FASTKD1: variants seen among roughly 807,000 people sequenced by gnomAD.
FASTKD1 encodes FAST kinase domain-containing protein 1, mitochondrial.
Under a neutral mutation model 90.9 loss-of-function variants are expected in FASTKD1, and 94 were observed. That is an observed-to-expected ratio of 1.03 (90% CI 0.88 to 1.23). The LOEUF (loss-of-function observed/expected upper bound fraction) is 1.23, where lower values mean the gene tolerates loss of function less well. Among genes scored for constraint, FASTKD1 ranks in the 50% most tolerant of loss-of-function variants. The probability of loss-of-function intolerance (pLI) is 0.00; values close to 1 mark genes in which losing one functional copy is unlikely to be tolerated. For missense variants in FASTKD1, 945 were observed against 993.5 expected (o/e 0.95, Z 0.66); for synonymous variants, 319 against 345.8 (o/e 0.92, Z 0.86).
chr2:169,573,415 T>C (rs1684316603), intron 1 of FASTKD1: 1 of 152,306 alleles, frequency 6.6e-6, no homozygotes, highest in African/African-American at 2.4e-5. Context: ...CCCAGCTGAA[T>C]GACCTTAAGG....
At chr2:169,542,634 G>T (rs1685005200) in intron 9 of FASTKD1, among the ~76,000 whole-genome samples, 1 of 152,324 alleles carries the variant, frequency 6.6e-6, no homozygotes, top group South Asian at 2.1e-4. Context: ...GGAGGCTAAG[G>T]TGGGAGGACC....
chr2:169,562,797 C>A (rs565232156), intron 4 of FASTKD1, among the ~76,000 whole-genome samples: 1 of 152,224 alleles, frequency 6.6e-6, no homozygotes, highest in South Asian at 2.1e-4. Flanking sequence ...AAGCTCAGAG[C>A]TCCTCTCCTG....
At chr2:169,557,132 A>G (rs1683355013) in intron 6 of FASTKD1, 55 bp downstream of exon 6, 1 of 1,150,440 alleles carries the variant, frequency 8.7e-7, no homozygotes. Flanking sequence ...CTTAGAAAAA[A>G]ATAGGTGCTT....
chr2:169,529,812 T>C lies in FASTKD1; in HGVS notation c.*13A>G, dbSNP rs369106416. On this transcript the variant is annotated 3_prime_UTR_variant, in exon 15 of 15. Coordinates refer to ENST00000453153, the MANE Select transcript of FASTKD1 (RefSeq NM_024622.6). The stretch of plus-strand genomic sequence containing the variant: ...CAAATGTAACACACGATAACATTCA[T>C]TTTAAATAAAAACTACAAACATGAC... The C allele has an allele frequency of 1.3e-6, 2 of 1,571,164 alleles. No homozygotes were observed. The highest frequency in any genetic ancestry group is 2.7e-5 in the African/African-American group (2 of 73,552).
rs904436754 is a variant in FASTKD1, at chr2:169,531,234, T to C, written c.2327+118A>G. On this transcript the variant is annotated intron_variant, in intron 13 of 14. Transcript: ENST00000453153. ...GAAAAGCAAAGTTACAAAGGTGGAA[T>C]GCATGACATATGAGGAACAGATTCC... 3.8e-6 allele frequency: 4 copies of C among 1,044,436 alleles called. No individual in the cohort carries two copies. In the African/African-American group the frequency reaches 6.3e-5, roughly 16 times the overall value. 64.7% of individuals were successfully genotyped at this position (1,044,436 alleles called of 1,614,324 possible). A position where few individuals can be genotyped will look rare whatever the true frequency, so the allele number is the denominator to read the frequency against.
chr2:169,542,439 T>C (rs1159625041), intron 9 of FASTKD1, among the ~76,000 whole-genome samples: 1 of 152,094 alleles, frequency 6.6e-6, no homozygotes, highest in Non-Finnish European at 1.5e-5. Flanking sequence ...GGACCCAAAA[T>C]AAAAAGGAAA....
intron 9 of FASTKD1, among the ~76,000 whole-genome samples, chr2:169,541,154 G>A (rs1036867687): frequency 3.3e-5 from 5 of 152,056 alleles, no homozygotes; most frequent in South Asian, 2.1e-4. Context: ...GTCAAAATTC[G>A]TCTTTACTCA....
At chr2:169,569,342 T>C in intron 2 of FASTKD1, 90 bp from the exon 3 acceptor site, 1 of 1,237,994 alleles carries the variant, frequency 8.1e-7, no homozygotes, top group Admixed American at 1.8e-5. Flanking sequence ...AAAGTGAAAC[T>C]CAAGTTATTT....
chr2:169,531,093 G>T (rs1372395857), intron 13 of FASTKD1: 2 of 709,968 alleles, frequency 2.8e-6, no homozygotes, highest in Non-Finnish European at 5.2e-6. Flanking sequence ...AGGTATGGGA[G>T]CGCAAAAGAA....
intron 5 of FASTKD1, among the ~76,000 whole-genome samples, chr2:169,557,771 A>C (rs1464441330): frequency 6.6e-6 from 1 of 152,244 alleles, no homozygotes; most frequent in Non-Finnish European, 1.5e-5. Context: ...GTATAAACTG[A>C]AAATTAACAA....
chr2:169,548,285 T>C (rs1002981336), intron 7 of FASTKD1, among the ~76,000 whole-genome samples: 4 of 151,934 alleles, frequency 2.6e-5, no homozygotes, highest in African/African-American at 9.7e-5. Flanking sequence ...CTTTTTTGTT[T>C]CCGATACACA....
At chr2:169,532,349 T>C (rs1316587553) in intron 12 of FASTKD1, among the ~76,000 whole-genome samples, 1 of 148,494 alleles carries the variant, frequency 6.7e-6, no homozygotes, top group Non-Finnish European at 1.5e-5. Flanking sequence ...AGGTCAAGGC[T>C]GCAGTAAGCC....
intron 3 of FASTKD1, 143 bp downstream of exon 3, chr2:169,569,041 C>A: frequency 9.2e-6 from 6 of 654,786 alleles, no homozygotes; most frequent in Non-Finnish European, 1.3e-5. Context: ...CAATCAAAAA[C>A]TTTAAAACTA....
rs555376270 is a variant in FASTKD1 at position 169,546,385 on chromosome 2, A to T, written c.1534T>A (p.Phe512Ile). The T allele has an allele frequency of 1.9e-6, 3 of 1,614,114 alleles. No individual in the cohort carries two copies. The South Asian group carries it at 3.3e-5, about 18-fold the overall frequency. The change falls in exon 8 of 15, where the codon TTT becomes ATT. Residue 512 changes from phenylalanine to isoleucine, a missense_variant. Phe to Ile is a conservative substitution (Grantham distance 21). Transcript: ENST00000453153. ...ATTTCTTCAAGAAGTGACTCAGGAA[A>T]CGTGTTTCCTTTGAGAGATTTAAGT... Reference protein sequence around the residue: ...KELKSLKGNTFPESLLEEMIA... With the variant: ...KELKSLKGNTIPESLLEEMIA...
chr2:169,532,025 T>C (rs1684513350), intron 12 of FASTKD1, among the ~76,000 whole-genome samples: 1 of 152,166 alleles, frequency 6.6e-6, no homozygotes, highest in East Asian at 1.9e-4. Context: ...TGAGTGATCA[T>C]TAATAACTGC....
Position 169,546,226 on chromosome 2 carries a change from T to A in FASTKD1, c.1693A>T (p.Ile565Phe). The change falls in exon 8 of 15, where the codon ATT (isoleucine) becomes TTT (phenylalanine). Residue 565 changes from isoleucine to phenylalanine, a missense_variant. Coordinates refer to ENST00000453153, the MANE Select transcript of FASTKD1 (RefSeq NM_024622.6). ...TACCATTTAAATTTCACCTTTTCAA[T>A]CTGCTGAACAGCCACTGAGGCTATC... Reference protein sequence around the residue: ...DRIASVAVQQIEKIHPFTIPA... With the variant: ...DRIASVAVQQFEKIHPFTIPA... 6.5e-7 allele frequency: 1 copy of A among 1,545,414 alleles called. No homozygotes were observed. Among genetic ancestry groups the A allele is most frequent in the African/African-American group, 1.4e-5 (1 of 72,324 alleles).
Position 169,546,269 on chromosome 2 carries a change from AC to A in FASTKD1, c.1649del (p.Ser550IlefsTer5), listed in dbSNP as rs1372559481. On this transcript the variant is annotated frameshift_variant, in exon 8 of 15. Transcript: ENST00000453153. LOFTEE classifies it high-confidence loss of function. ...AGGCTATCCTATCTAGTAGCAAAGT[AC>A]TGAGGTAATCAGTACTAGAAATAAA... ...ASFISSTDYL[S>X]TLLLDRIASV... The A allele has an allele frequency of 6.2e-7, 1 of 1,612,284 alleles. No individual in the cohort carries two copies. The highest frequency in any genetic ancestry group is 8.5e-7 in the Non-Finnish European group (1 of 1,179,066).
chr2:169,549,364 C>T (rs1019887287), intron 7 of FASTKD1, among the ~76,000 whole-genome samples: 1 of 151,970 alleles, frequency 6.6e-6, no homozygotes. Context: ...GATTGTGCCA[C>T]TGCACTCCAG....
rs200073276 is a variant in FASTKD1, at chr2:169,566,903, T to C, written c.446+2281A>G. Among the ~76,000 whole-genome samples, 10 of 152,112 alleles carry C rather than the reference T, an allele frequency of 6.6e-5. No homozygotes were observed. In the East Asian group the frequency reaches 1.7e-3, roughly 26 times the overall value. ...AGGCCAAGGTGGGCAGATCACGAGGTCAGGAGTTTGAGACCAGCCTGGCCA... is the reference window on the plus strand; with the variant it reads ...AGGCCAAGGTGGGCAGATCACGAGGCCAGGAGTTTGAGACCAGCCTGGCCA... On this transcript the variant is annotated intron_variant, in intron 3 of 14. Coordinates refer to ENST00000453153, the MANE Select transcript of FASTKD1 (RefSeq NM_024622.6).
Sources: allele counts gnomAD v4.1 joint callset (sites outside exome capture counted in the v4.1 genomes callset), GRCh38; gene constraint gnomAD v4.1.1; transcripts MANE v1.5; gene names NCBI Gene and HGNC (gene_info 2026-07-23, HGNC 2026-07-21).